SLC15A1: variants seen among roughly 807,000 people sequenced by gnomAD.
The protein encoded by SLC15A1 is solute carrier family 15 member 1, also known as Caco-2 oligopeptide transporter.
Under a neutral mutation model 92.9 loss-of-function variants are expected in SLC15A1, and 83 were observed. That is an observed-to-expected ratio of 0.89 (90% CI 0.75 to 1.07). SLC15A1 has a LOEUF of 1.07. Among genes scored for constraint, SLC15A1 ranks in the 50% least tolerant of loss-of-function variants. The pLI is 0.00. For synonymous variants in SLC15A1, 322 were observed against 318.2 expected (o/e 1.01, Z -0.13); for missense variants, 857 against 880.1 (o/e 0.97, Z 0.33).
rs576174720 is a variant in SLC15A1, at chr13:98,712,453, C to T, written c.810+45G>A. ...CTGAATTGAGATTTTTCAGTGTTCA[C>T]TTCCTGGGGGAATCAGGGTCATTGT... On this transcript the variant is annotated intron_variant, in intron 10 of 22. Coordinates refer to ENST00000376503, the MANE Select transcript of SLC15A1 (RefSeq NM_005073.4). The T allele has an allele frequency of 1.9e-5, 27 of 1,449,644 alleles. 1 individual carries two copies. The South Asian group carries it at 3.0e-4, about 16-fold the overall frequency. The allele number at this position is 1,449,644 out of a possible 1,614,324, so 89.8% of individuals were successfully genotyped here.
intron 1 of SLC15A1, among the ~76,000 whole-genome samples, chr13:98,739,973 C>T (rs1367186066): frequency 2.0e-5 from 3 of 151,820 alleles, no homozygotes; most frequent in Admixed American, 6.6e-5. Context: ...AGGTAGCCAT[C>T]AAAGAAGAAA....
rs181464399 is a variant in SLC15A1, at chr13:98,721,960, C to T, written c.366-57G>A. Reference sequence around the variant, plus strand: ...GCAGATCCTCGCAAGTAGAAGGCCTCTCTTTTCCCCAGTTTCCCTCAGTGG... The same window carrying T: ...GCAGATCCTCGCAAGTAGAAGGCCTTTCTTTTCCCCAGTTTCCCTCAGTGG... On this transcript the variant is annotated intron_variant, in intron 5 of 22. Transcript: ENST00000376503. The T allele has an allele frequency of 6.2e-6, 9 of 1,447,722 alleles. No individual in the cohort carries two copies. In the East Asian group the frequency reaches 1.8e-4, roughly 30 times the overall value. The allele number at this position is 1,447,722 out of a possible 1,614,324, so 89.7% of individuals were successfully genotyped here.
At chr13:98,745,371 C>G (rs1462735978) in intron 1 of SLC15A1, among the ~76,000 whole-genome samples, 1 of 152,202 alleles carries the variant, frequency 6.6e-6, no homozygotes. Context: ...CTTTCTGTTA[C>G]CATGTCGGGG....
chr13:98,687,441 A>T, intron 21 of SLC15A1, 140 bp downstream of exon 21: 1 of 973,968 alleles, frequency 1.0e-6, no homozygotes, highest in Non-Finnish European at 1.6e-6. Flanking sequence ...GACCTCAGAG[A>T]CCTTGCTGTA....
rs1168721190 is a variant in SLC15A1 at position 98,715,949 on chromosome 13, G to C, written c.652C>G (p.Leu218Val). The C allele has an allele frequency of 6.2e-7, 1 of 1,614,058 alleles. No individual in the cohort carries two copies. The highest frequency in any genetic ancestry group is 1.7e-5 in the Admixed American group (1 of 60,000). ...AACTTCTTGTACATCCCACTGCCAA[G>C]GACAAACACAACTAGATAGGGCAGA... The part of the protein sequence containing the change: ...LMAVALIVFV[L>V]GSGMYKKFKP... Residue 218 changes from leucine to valine, a missense_variant, in exon 9 of 23, where the codon CTT becomes GTT. Transcript: ENST00000376503.
rs751804854 is a variant in SLC15A1 at position 98,688,364 on chromosome 13, A to T, written c.1575-8T>A. 13 of 1,610,290 alleles carry T rather than the reference A, an allele frequency of 8.1e-6. No homozygotes were observed. Among genetic ancestry groups the T allele is most frequent in the Middle Eastern group, 1.6e-4 (1 of 6,072 alleles). On this transcript the variant is annotated splice_region_variant and splice_polypyrimidine_tract_variant and intron_variant, in intron 19 of 22. Transcript: ENST00000376503. ...CTTATTGTGAAGCCTTTTCTATCAAAATAAAGAATAATATTGGTTAACATT... is the reference window on the plus strand; with the variant it reads ...CTTATTGTGAAGCCTTTTCTATCAATATAAAGAATAATATTGGTTAACATT...
chr13:98,703,215 GAGAAAAGAGA>G (rs71706237), intron 17 of SLC15A1, among the ~76,000 whole-genome samples: 5,864 of 150,660 alleles, frequency 0.039, 191 homozygotes, highest in East Asian at 0.09. Flanking sequence ...GGAAAGGAAG[GAGAAAAGAGA>G]AGAAAAGAGA....
intron 1 of SLC15A1, 68 bp from the exon 2 acceptor site, chr13:98,726,927 CAGAGCCTCTGACTTTTT>C: frequency 6.6e-7 from 1 of 1,526,648 alleles, no homozygotes; most frequent in Non-Finnish European, 9.1e-7. Flanking sequence ...TGTCTAAACT[CAGAGCCTCTGACTTTTT>C]AGGGTGGTCA....
At chr13:98,750,752 T>C (rs2088538202) in intron 1 of SLC15A1, among the ~76,000 whole-genome samples, 3 of 150,418 alleles carry the variant, frequency 2.0e-5, no homozygotes. Flanking sequence ...CAAAGATCTG[T>C]TCTTTTTTTT....
Position 98,726,409 on chromosome 13 carries a change from A to G in SLC15A1, c.62T>C (p.Val21Ala). 1 of 1,614,220 alleles carries G rather than the reference A, an allele frequency of 6.2e-7. No homozygotes were observed. Among genetic ancestry groups the G allele is most frequent in the Admixed American group, 1.7e-5 (1 of 60,022 alleles). Residue 21 changes from valine to alanine, a missense_variant, in exon 3 of 23, where the codon GTC becomes GCC. Transcript: ENST00000376503. ...GGAAAATCTTTCGCAAAACTCATTG[A>G]CCACGATGAAGAAGATGCTCAGGGG... ...GYPLSIFFIV[V>A]NEFCERFSYY...
Position 98,721,819 on chromosome 13 carries a change from C to T in SLC15A1, c.450G>A (p.Gln150=). ...KPCVSAFGGD[Q]FEEGQEKQRN... is the part of the protein sequence containing the mutation. ...CTACCCTTACCTGGCCCTCTTCAAACTGATCTCCACCAAACGCAGACACAC... is the reference window on the plus strand; with the variant it reads ...CTACCCTTACCTGGCCCTCTTCAAATTGATCTCCACCAAACGCAGACACAC... The change falls in exon 6 of 23, where the codon CAG becomes CAA. Residue 150 remains glutamine, a synonymous_variant. Coordinates refer to ENST00000376503, the MANE Select transcript of SLC15A1 (RefSeq NM_005073.4). 1.2e-6 allele frequency: 2 copies of T among 1,614,186 alleles called. No homozygotes were observed. The highest frequency in any genetic ancestry group is 1.7e-6 in the Non-Finnish European group (2 of 1,180,016).
chr13:98,737,431 A>T (rs967947024), intron 1 of SLC15A1, among the ~76,000 whole-genome samples: 1 of 152,250 alleles, frequency 6.6e-6, no homozygotes, highest in African/African-American at 2.4e-5. Context: ...AACATGGCAC[A>T]TGTATACATA....
Position 98,726,013 on chromosome 13 carries a change from T to G in SLC15A1, c.245+110A>C, listed in dbSNP as rs1464637960. 4.3e-6 allele frequency: 6 copies of G among 1,399,848 alleles called. No homozygotes were observed. The Admixed American group carries it at 1.3e-4, about 30-fold the overall frequency. 86.7% of individuals were successfully genotyped at this position (1,399,848 alleles called of 1,614,324 possible). On this transcript the variant is annotated intron_variant, in intron 4 of 22. Transcript: ENST00000376503. ...GAACCATACCACACCTGGCCTCTCCTAAGAGTTTCTGTTCTTTGATTCATC... is the reference window on the plus strand; with the variant it reads ...GAACCATACCACACCTGGCCTCTCCGAAGAGTTTCTGTTCTTTGATTCATC...
chr13:98,730,858 C>T (rs2088345362), intron 1 of SLC15A1, among the ~76,000 whole-genome samples: 2 of 152,260 alleles, frequency 1.3e-5, no homozygotes, highest in Non-Finnish European at 2.9e-5. Flanking sequence ...AGCTCCCAGG[C>T]TGACCTGCAA....
intron 11 of SLC15A1, among the ~76,000 whole-genome samples, chr13:98,710,507 A>G (rs969106136): frequency 6.6e-6 from 1 of 152,168 alleles, no homozygotes; most frequent in Non-Finnish European, 1.5e-5. Context: ...ACTCCACTAG[A>G]AAGACATCAT....
intron 1 of SLC15A1, among the ~76,000 whole-genome samples, chr13:98,735,128 A>G (rs2088381593): frequency 1.3e-5 from 2 of 152,218 alleles, no homozygotes; most frequent in Non-Finnish European, 2.9e-5. Flanking sequence ...CACATCAAAA[A>G]GCTTATCCAC....
intron 1 of SLC15A1, among the ~76,000 whole-genome samples, chr13:98,742,178 G>A (rs747466552): frequency 2.6e-5 from 4 of 152,208 alleles, no homozygotes; most frequent in Admixed American, 6.5e-5. Flanking sequence ...TTCTGGTGAG[G>A]CGGTGGGGGA....
At chr13:98,723,656 T>C (rs1226580582) in intron 5 of SLC15A1, among the ~76,000 whole-genome samples, 1 of 152,180 alleles carries the variant, frequency 6.6e-6, no homozygotes, top group Non-Finnish European at 1.5e-5. Context: ...CCCTGCGCAC[T>C]GACTGTACTT....
chr13:98,694,089 A>C (rs1008565976), intron 18 of SLC15A1, among the ~76,000 whole-genome samples: 4 of 152,204 alleles, frequency 2.6e-5, no homozygotes, highest in Non-Finnish European at 5.9e-5. Flanking sequence ...TTGCATGTGG[A>C]TATCCAGTGG....
Sources: allele counts gnomAD v4.1 joint callset (sites outside exome capture counted in the v4.1 genomes callset), GRCh38; gene constraint gnomAD v4.1.1; transcripts MANE v1.5; gene names NCBI Gene and HGNC (gene_info 2026-07-23, HGNC 2026-07-21).